Variants in PAQR5 observed in about 807,000 individuals in gnomAD.
The protein encoded by PAQR5 is progestin and adipoQ receptor family member 5.
A neutral mutation model predicts 34.5 loss-of-function variants in PAQR5; 20 were observed. That is an observed-to-expected ratio of 0.58 (90% CI 0.41 to 0.84). PAQR5 has a LOEUF of 0.84. PAQR5 is among the 40% of genes least tolerant of loss of function. The probability of loss-of-function intolerance (pLI) is 0.00; values close to 1 mark genes in which losing one functional copy is unlikely to be tolerated. For missense variants in PAQR5, 378 were observed against 412.7 expected (o/e 0.92, Z 0.73); for synonymous variants, 131 against 155.6 (o/e 0.84, Z 1.18).
intron 3 of PAQR5, among the ~76,000 whole-genome samples, chr15:69,365,098 T>C (rs2055364535): frequency 3.7e-5 from 1 of 27,262 alleles, no homozygotes; most frequent in South Asian, 1.3e-3. Flanking sequence ...TTTTATTTTA[T>C]TTTATTTTAT....
intron 3 of PAQR5, 73 bp downstream of exon 3, chr15:69,360,204 G>A: frequency 8.8e-7 from 1 of 1,134,128 alleles, no homozygotes; most frequent in Non-Finnish European, 1.3e-6. Flanking sequence ...ATGGGGGGCT[G>A]TTGTCTTCAC....
At chr15:69,402,064 G>T (rs1664283924) in intron 8 of PAQR5, among the ~76,000 whole-genome samples, 1 of 151,986 alleles carries the variant, frequency 6.6e-6, no homozygotes, top group Non-Finnish European at 1.5e-5. Flanking sequence ...AACCAAAAGA[G>T]AAACCTTATT....
At chr15:69,355,889 C>T (rs189394043) in intron 2 of PAQR5, among the ~76,000 whole-genome samples, 2 of 152,146 alleles carry the variant, frequency 1.3e-5, no homozygotes, top group East Asian at 3.9e-4. Flanking sequence ...AAATTCTCAG[C>T]TTTTCCTTAA....
intron 6 of PAQR5, 105 bp downstream of exon 6, chr15:69,389,885 T>A (rs2056210561): frequency 7.3e-7 from 1 of 1,368,606 alleles, no homozygotes; most frequent in East Asian, 2.3e-5. Flanking sequence ...ATGGAAAAGG[T>A]GCTTGGGAAC....
In PAQR5 at chr15:69,359,997, G is replaced by A. The variant is rs2055190414; in HGVS notation, c.-84G>A. On this transcript the variant is annotated 5_prime_UTR_variant, in exon 3 of 9. Transcript: ENST00000395407. ...GGCACAGCACCAGCTAGGCAGAGAC[G>A]CCCCAGGCCATGTTAGAGCTTTGAG... 6.7e-6 allele frequency: 7 copies of A among 1,045,578 alleles called. No individual in the cohort carries two copies. Among genetic ancestry groups the A allele is most frequent in the South Asian group, 3.9e-5 (3 of 76,884 alleles). 64.8% of individuals were successfully genotyped at this position (1,045,578 alleles called of 1,614,324 possible).
At chr15:69,378,880 A>G (rs1158228056) in intron 3 of PAQR5, among the ~76,000 whole-genome samples, 2 of 152,132 alleles carry the variant, frequency 1.3e-5, no homozygotes. Flanking sequence ...AAGGCCATGG[A>G]TGCTGTGAAA....
chr15:69,309,500 G>A (rs999463712), intron 1 of PAQR5, among the ~76,000 whole-genome samples: 7 of 152,300 alleles, frequency 4.6e-5, no homozygotes, highest in Admixed American at 1.3e-4. Context: ...GTCAGTAGAC[G>A]TGAGGAGAGA....
intron 1 of PAQR5, among the ~76,000 whole-genome samples, chr15:69,302,879 A>G (rs2053635692): frequency 6.6e-6 from 1 of 152,176 alleles, no homozygotes; most frequent in Non-Finnish European, 1.5e-5. Flanking sequence ...GCAGAGTAAG[A>G]GCTTTAGACC....
intron 4 of PAQR5, among the ~76,000 whole-genome samples, chr15:69,381,081 G>A (rs1361315832): frequency 6.6e-6 from 1 of 152,232 alleles, no homozygotes; most frequent in Admixed American, 6.5e-5. Flanking sequence ...GTAAAGGAGT[G>A]TGGCAGCCCT....
Position 69,389,728 on chromosome 15 carries a change from G to A in PAQR5, c.460G>A (p.Ala154Thr), listed in dbSNP as rs2056205016. The stretch of plus-strand genomic sequence containing the variant: ...CACCACTTTCCATGACTACTACGTG[G>A]CCCTGGCTGTACTGAACACCATCCT... Reference protein sequence around the residue: ...MCTTFHDYYVALAVLNTILST... With the variant: ...MCTTFHDYYVTLAVLNTILST... The change falls in exon 6 of 9, where the codon GCC becomes ACC. Residue 154 changes from alanine (A) to threonine (T), a missense_variant. Physicochemically the swap from Ala to Thr is moderately conservative, Grantham distance 58. Coordinates refer to ENST00000395407, the MANE Select transcript of PAQR5 (RefSeq NM_017705.4). The A allele has an allele frequency of 1.2e-6, 2 of 1,614,054 alleles. No individual in the cohort carries two copies. The highest frequency in any genetic ancestry group is 1.7e-6 in the Non-Finnish European group (2 of 1,180,028).
intron 1 of PAQR5, among the ~76,000 whole-genome samples, chr15:69,299,703 G>A (rs185352514): frequency 4.3e-4 from 66 of 152,322 alleles, no homozygotes; most frequent in Middle Eastern, 3.4e-3. Flanking sequence ...GCCCAGGAGA[G>A]GGGGTGGACC....
At chr15:69,376,666 C>T (rs1030782260) in intron 3 of PAQR5, among the ~76,000 whole-genome samples, 1 of 152,306 alleles carries the variant, frequency 6.6e-6, no homozygotes, top group Non-Finnish European at 1.5e-5. Flanking sequence ...CAATATTGGG[C>T]TTCCCATCCT....
chr15:69,380,208 T>C (rs926589759), intron 4 of PAQR5, 198 bp downstream of exon 4: 7 of 567,798 alleles, frequency 1.2e-5, no homozygotes, highest in African/African-American at 1.1e-4. Flanking sequence ...CTTTAAGGCA[T>C]GGACTGGGGT....
Position 69,397,498 on chromosome 15 carries a change from T to A in PAQR5, c.543T>A (p.Cys181Ter). ...RFLEIQKPRL[C>*]KVIRVLAFAY... ...TTGAAATCCAGAAGCCCAGACTCTG[T>A]AAGGTGATTCGTGTCCTCGCCTTTG... The change falls in exon 7 of 9, where the codon TGT (cysteine) becomes TGA (stop). Residue 181 changes from cysteine (C) to a stop codon, truncating the protein, a stop_gained. Coordinates refer to ENST00000395407, the MANE Select transcript of PAQR5 (RefSeq NM_017705.4). LOFTEE classifies it high-confidence loss of function. The A allele has an allele frequency of 2.5e-6, 4 of 1,613,868 alleles. No homozygotes were observed. The highest frequency in any genetic ancestry group is 3.4e-6 in the Non-Finnish European group (4 of 1,179,704).
intron 1 of PAQR5, among the ~76,000 whole-genome samples, chr15:69,331,639 G>C (rs1318374472): frequency 6.6e-6 from 1 of 152,078 alleles, no homozygotes; most frequent in Non-Finnish European, 1.5e-5. Flanking sequence ...GTGACTATCT[G>C]GTCTTCGCCT....
chr15:69,325,294 T>G (rs938609796), intron 1 of PAQR5, among the ~76,000 whole-genome samples: 1 of 152,124 alleles, frequency 6.6e-6, no homozygotes, highest in Admixed American at 6.5e-5. Flanking sequence ...TTTTAAGCAC[T>G]GTCTATCCCC....
At chr15:69,378,001 G>A (rs1226332740) in intron 3 of PAQR5, among the ~76,000 whole-genome samples, 1 of 152,030 alleles carries the variant, frequency 6.6e-6, no homozygotes, top group Non-Finnish European at 1.5e-5. Context: ...GGTAGCTCAT[G>A]CCTGTAATCC....
At chr15:69,398,802 A>G (rs2056534477) in intron 7 of PAQR5, among the ~76,000 whole-genome samples, 1 of 152,216 alleles carries the variant, frequency 6.6e-6, no homozygotes, top group African/African-American at 2.4e-5. Context: ...TGTGACAAGC[A>G]TCGTGTGCTT....
intron 1 of PAQR5, among the ~76,000 whole-genome samples, chr15:69,322,493 GA>G (rs1021054414): frequency 2.0e-5 from 3 of 146,862 alleles, no homozygotes; most frequent in Admixed American, 1.4e-4. Flanking sequence ...TAAAAAACAA[GA>G]AAAAAACCTA....
Sources: allele counts gnomAD v4.1 joint callset (sites outside exome capture counted in the v4.1 genomes callset), GRCh38; gene constraint gnomAD v4.1.1; transcripts MANE v1.5; gene names NCBI Gene and HGNC (gene_info 2026-07-23, HGNC 2026-07-21).